Variants in CIMIP2C observed in about 807,000 individuals in gnomAD.
CIMIP2C encodes the protein UPF0573 protein C2orf70.
chr2:26,567,566 G>A, the CIMIP2C span, among the ~76,000 whole-genome samples: 1 of 152,220 alleles, frequency 6.6e-6, no homozygotes, highest in Admixed American at 6.5e-5. Context: ...CCTTCAGGGA[G>A]AGAGGTCAGG....
At chr2:26,563,086 G>A in the CIMIP2C span, 7 of 217,344 alleles carry the variant, frequency 3.2e-5, no homozygotes, top group Admixed American at 3.3e-4. Context: ...GGCGCACAGG[G>A]CCAGCACCCA....
At chr2:26,562,704 C>T in the CIMIP2C span, 1 of 1,552,800 alleles carries the variant, frequency 6.4e-7, no homozygotes, top group South Asian at 1.2e-5. Flanking sequence ...CGAGGGAGCG[C>T]CTCCTCCCCT....
At chr2:26,579,017 T>C in the CIMIP2C span, 1 of 528,644 alleles carries the variant, frequency 1.9e-6, no homozygotes, top group Non-Finnish European at 3.6e-6. Flanking sequence ...ATACCACCAC[T>C]GGGCCATTCT....
chr2:26,577,224 C>A, the CIMIP2C span, among the ~76,000 whole-genome samples: 1 of 152,176 alleles, frequency 6.6e-6, no homozygotes, highest in Non-Finnish European at 1.5e-5. Flanking sequence ...GCCTGCGGGG[C>A]TGGGTTTTTG....
the CIMIP2C span, among the ~76,000 whole-genome samples, chr2:26,571,552 G>A: frequency 6.6e-6 from 1 of 152,172 alleles, no homozygotes; most frequent in African/African-American, 2.4e-5. Context: ...CCAGCACTTA[G>A]TATGGTGCCA....
chr2:26,578,308 G>A, the CIMIP2C span: 4 of 166,044 alleles, frequency 2.4e-5, no homozygotes, highest in African/African-American at 9.6e-5. Flanking sequence ...TGGCCTGGGA[G>A]GTCAGTGGAT....
chr2:26,570,563 G>A, the CIMIP2C span, among the ~76,000 whole-genome samples: 2 of 152,224 alleles, frequency 1.3e-5, no homozygotes, highest in African/African-American at 4.8e-5. Flanking sequence ...AGGGTGTGCA[G>A]TCAGGGGAGG....
the CIMIP2C span, chr2:26,572,223 GT>G: frequency 1.4e-6 from 2 of 1,415,340 alleles, no homozygotes; most frequent in South Asian, 1.4e-5. Context: ...ACTTTGACAG[GT>G]TTTATAACAT....
At chr2:26,570,909 G>A in the CIMIP2C span, among the ~76,000 whole-genome samples, 1 of 152,146 alleles carries the variant, frequency 6.6e-6, no homozygotes, top group African/African-American at 2.4e-5. Flanking sequence ...GCTAAGGAGG[G>A]GCCTAAGCAG....
At chr2:26,577,807 G>C in the CIMIP2C span, 19 of 543,912 alleles carry the variant, frequency 3.5e-5, no homozygotes, top group Admixed American at 4.2e-4. Context: ...GCAGCCTCAG[G>C]GGGGATGGTG....
the CIMIP2C span, among the ~76,000 whole-genome samples, chr2:26,563,465 C>G: frequency 6.6e-6 from 1 of 152,208 alleles, no homozygotes; most frequent in Non-Finnish European, 1.5e-5. Flanking sequence ...TCTGGACCGC[C>G]TCTCCCAGGG....
At chr2:26,564,890 G>C in the CIMIP2C span, among the ~76,000 whole-genome samples, 1 of 152,178 alleles carries the variant, frequency 6.6e-6, no homozygotes, top group South Asian at 2.1e-4. Flanking sequence ...ACTTGCCTGA[G>C]CCCCACGCTG....
the CIMIP2C span, among the ~76,000 whole-genome samples, chr2:26,563,659 C>A: frequency 6.6e-6 from 1 of 152,192 alleles, no homozygotes; most frequent in East Asian, 1.9e-4. Context: ...ATTCTGCAGG[C>A]AGAGTCTCCA....
the CIMIP2C span, among the ~76,000 whole-genome samples, chr2:26,567,256 T>A: frequency 1.3e-5 from 2 of 152,196 alleles, no homozygotes; most frequent in African/African-American, 4.8e-5. Context: ...AATTGAATCA[T>A]GGGGGCAGTT....
At chr2:26,568,282 C>G in the CIMIP2C span, among the ~76,000 whole-genome samples, 2 of 152,218 alleles carry the variant, frequency 1.3e-5, no homozygotes, top group Non-Finnish European at 1.5e-5. Flanking sequence ...TAGGGAGCCT[C>G]TGGCCACTCA....
chr2:26,569,843 A>G, the CIMIP2C span, among the ~76,000 whole-genome samples: 1 of 152,156 alleles, frequency 6.6e-6, no homozygotes, highest in Non-Finnish European at 1.5e-5. Context: ...CTGCCACTCG[A>G]TGCCCTGTTA....
chr2:26,576,099 G>A, the CIMIP2C span: 775 of 1,614,170 alleles, frequency 4.8e-4, 1 homozygote, highest in African/African-American at 7.4e-3. Context: ...ACCCGGGACC[G>A]CTGGCTGCAC....
the CIMIP2C span, chr2:26,578,530 G>A: frequency 7.8e-6 from 2 of 257,928 alleles, no homozygotes; most frequent in East Asian, 1.0e-4. Context: ...ATCGCCTGGG[G>A]AACTTGTGCT....
At chr2:26,571,775 C>A in the CIMIP2C span, among the ~76,000 whole-genome samples, 7 of 151,940 alleles carry the variant, frequency 4.6e-5, no homozygotes, top group African/African-American at 1.7e-4. Flanking sequence ...TGGCTGTAGA[C>A]CTTATGTGTA....
Sources: allele counts gnomAD v4.1 joint callset (sites outside exome capture counted in the v4.1 genomes callset), GRCh38; gene constraint gnomAD v4.1.1; transcripts MANE v1.5; gene names NCBI Gene and HGNC (gene_info 2026-07-23, HGNC 2026-07-21).